The following FHOD3 variants were observed in gnomAD, a reference collection of about 807,000 sequenced individuals.
FHOD3 encodes the protein formin homology 2 domain containing 3.
FHOD3 carries 90 observed loss-of-function variants against 173.0 expected under a neutral mutation model. The ratio of observed to expected loss-of-function variants is 0.52; its 90% CI spans 0.44 to 0.62. The LOEUF (loss-of-function observed/expected upper bound fraction) is 0.62, where lower values mean the gene tolerates loss of function less well. Ranked by LOEUF, FHOD3 falls within the 20% of genes least tolerant of loss-of-function variation. The probability of loss-of-function intolerance (pLI) is 0.00; values close to 1 mark genes in which losing one functional copy is unlikely to be tolerated. For missense variants in FHOD3, 1,945 were observed against 2,034.7 expected, an observed-to-expected ratio of 0.96 and a Z score of 0.85; for synonymous variants, 828 against 823.0, an observed-to-expected ratio of 1.01 and a Z score of -0.10.
chr18:36,443,482 C>G (rs2051271133), intron 3 of FHOD3, among the ~76,000 whole-genome samples: 1 of 152,148 alleles, frequency 6.6e-6, no homozygotes, highest in Admixed American at 6.5e-5. Flanking sequence ...AAAGTTGATT[C>G]TTGTGTCACT....
At chr18:36,589,303 G>A (rs1011530884) in intron 6 of FHOD3, among the ~76,000 whole-genome samples, 2 of 152,138 alleles carry the variant, frequency 1.3e-5, no homozygotes, top group Admixed American at 1.3e-4. Flanking sequence ...AACTAAAAAT[G>A]GAATACTAGT....
chr18:36,390,692 T>A (rs1362311366), intron 3 of FHOD3, among the ~76,000 whole-genome samples: 5 of 152,230 alleles, frequency 3.3e-5, no homozygotes, highest in African/African-American at 1.2e-4. Flanking sequence ...GATGTGTATA[T>A]TTGAAGCAAA....
intron 14 of FHOD3, among the ~76,000 whole-genome samples, chr18:36,679,263 G>A (rs890108420): frequency 6.6e-6 from 1 of 151,894 alleles, no homozygotes; most frequent in African/African-American, 2.4e-5. Flanking sequence ...GTATTTACCT[G>A]TCATTCCTGA....
intron 2 of FHOD3, among the ~76,000 whole-genome samples, chr18:36,370,401 G>T (rs76755133): frequency 0.012 from 1,858 of 151,990 alleles, 37 homozygotes; most frequent in African/African-American, 0.043. Context: ...TGGTTTCTCG[G>T]CATCCGGAAA....
rs183783699 is a variant in FHOD3, at chr18:36,621,224, G to A, written c.958-4287G>A. 2.3e-3 allele frequency among the ~76,000 whole-genome samples: 347 copies of A among 152,286 alleles called. 1 individual carries two copies. The highest frequency in any genetic ancestry group is 1.7e-3 in the Non-Finnish European group (115 of 68,038). On this transcript the variant is annotated intron_variant, in intron 9 of 28. Transcript: ENST00000590592. ...CTTGTAAGGGGTCAGGCATCTTAAG[G>A]CTGAAGACTGTAGAGGATGAGAAAT...
chr18:36,415,433 A>AG (rs1252597528), intron 3 of FHOD3, among the ~76,000 whole-genome samples: 1 of 152,202 alleles, frequency 6.6e-6, no homozygotes, highest in Non-Finnish European at 1.5e-5. Context: ...GAGAAAGGGG[A>AG]GAAAAAGTGG....
At chr18:36,417,981 A>G (rs779310996) in intron 3 of FHOD3, among the ~76,000 whole-genome samples, 9 of 152,264 alleles carry the variant, frequency 5.9e-5, no homozygotes, top group Non-Finnish European at 8.8e-5. Context: ...TAAGAAATTT[A>G]GACTGAAAAT....
intron 3 of FHOD3, among the ~76,000 whole-genome samples, chr18:36,412,090 A>G (rs1163919461): frequency 6.6e-6 from 1 of 152,184 alleles, no homozygotes; most frequent in African/African-American, 2.4e-5. Flanking sequence ...TGTTTCCCAC[A>G]ATCCCCCATC....
intron 5 of FHOD3, among the ~76,000 whole-genome samples, chr18:36,529,933 G>A (rs920416174): frequency 2.6e-5 from 4 of 152,046 alleles, no homozygotes; most frequent in Admixed American, 1.3e-4. Flanking sequence ...GCTTGGTAGC[G>A]ACAGGCTCTG....
At chr18:36,343,352 C>T (rs1007287962) in intron 1 of FHOD3, among the ~76,000 whole-genome samples, 3 of 152,152 alleles carry the variant, frequency 2.0e-5, no homozygotes, top group Non-Finnish European at 4.4e-5. Flanking sequence ...CCAATAAATG[C>T]TACAGCATAG....
At chr18:36,368,842 A>G (rs1018143371) in intron 2 of FHOD3, among the ~76,000 whole-genome samples, 1 of 152,106 alleles carries the variant, frequency 6.6e-6, no homozygotes, top group Non-Finnish European at 1.5e-5. Context: ...AGATCTTATG[A>G]GAACTCACTA....
chr18:36,747,004 A>G lies in FHOD3; in HGVS notation c.4101A>G (p.Ser1367=), dbSNP rs763611321. 4 of 1,613,456 alleles carry G rather than the reference A, an allele frequency of 2.5e-6. No individual in the cohort carries two copies. Among genetic ancestry groups the G allele is most frequent in the Admixed American group, 1.7e-5 (1 of 59,810 alleles). Residue 1367 remains serine (S), a synonymous_variant, in exon 24 of 29, where the codon TCA becomes TCG. Transcript: ENST00000590592. ...LCQMERRCKA[S]WDHLKAIAKH... is the part of the protein sequence containing the mutation. Reference sequence around the variant, plus strand: ...AGATGGAGAGAAGATGCAAAGCTTCATGGGATCACCTCAAGGCAATTGCAA... The same window carrying G: ...AGATGGAGAGAAGATGCAAAGCTTCGTGGGATCACCTCAAGGCAATTGCAA...
At position 36,709,383 on chromosome 18, in the gene FHOD3, G is replaced by A. The variant is rs1163069529; in HGVS notation, c.2525G>A (p.Arg842Lys). 1.2e-6 allele frequency: 2 copies of A among 1,611,752 alleles called. No homozygotes were observed. Among genetic ancestry groups the A allele is most frequent in the Admixed American group, 1.7e-5 (1 of 59,952 alleles). Residue 842 changes from arginine (R) to lysine (K), a missense_variant, in exon 18 of 29, where the codon AGG becomes AAG. Around this residue, in one of 5 missense-constraint regions of FHOD3, gnomAD observed 1,099 missense variants for 1,051.2 expected, o/e 1.05. Transcript: ENST00000590592. ...AAGGAGGACAAGCTCTCCAGGGACAGGACAACTGGTAAATGAAGCCCCTTG... is the reference window on the plus strand; with the variant it reads ...AAGGAGGACAAGCTCTCCAGGGACAAGACAACTGGTAAATGAAGCCCCTTG... ...EEKEDKLSRDRTTGLWPAGVQ... is the reference protein window; with the variant it reads ...EEKEDKLSRDKTTGLWPAGVQ...
chr18:36,322,643 G>C (rs1448016560), intron 1 of FHOD3, among the ~76,000 whole-genome samples: 1 of 152,106 alleles, frequency 6.6e-6, no homozygotes, highest in Non-Finnish European at 1.5e-5. Flanking sequence ...CCTGCACCTG[G>C]AACCTTGTGC....
intron 19 of FHOD3, 52 bp downstream of exon 19, chr18:36,718,767 G>T (rs1183873168): frequency 6.4e-7 from 1 of 1,569,620 alleles, no homozygotes; most frequent in Non-Finnish European, 8.6e-7. Flanking sequence ...TAGGGCTGAA[G>T]AGATTCGTTC....
chr18:36,527,672 T>C, intron 5 of FHOD3, among the ~76,000 whole-genome samples: 1 of 152,164 alleles, frequency 6.6e-6, no homozygotes, highest in East Asian at 1.9e-4. Context: ...AGCTGCAGCA[T>C]GTAGGCTGGC....
At chr18:36,552,515 T>C (rs1337435646) in intron 5 of FHOD3, among the ~76,000 whole-genome samples, 1 of 151,642 alleles carries the variant, frequency 6.6e-6, no homozygotes, top group Non-Finnish European at 1.5e-5. Flanking sequence ...TTTTTTTTTT[T>C]TGAGACAGAA....
intron 6 of FHOD3, among the ~76,000 whole-genome samples, chr18:36,581,709 C>T (rs1364625270): frequency 2.0e-5 from 3 of 152,310 alleles, no homozygotes; most frequent in African/African-American, 7.2e-5. Flanking sequence ...CGTGCTCATG[C>T]GCTCTCTCTT....
chr18:36,627,505 AACAGG>A (rs1407309427), intron 10 of FHOD3, among the ~76,000 whole-genome samples: 11 of 152,332 alleles, frequency 7.2e-5, no homozygotes, highest in Admixed American at 7.2e-4. Context: ...TAGGATCTGA[AACAGG>A]AGGCCAGAGA....
Sources: gnomAD v4.1 joint callset for allele counts (sites outside exome capture counted in the v4.1 genomes callset) on GRCh38, gnomAD v4.1.1 for gene constraint, gnomAD v4.1.1 regional missense constraint, MANE v1.5 for transcripts, NCBI Gene and HGNC (gene_info 2026-07-23, HGNC 2026-07-21) for gene names.